The following MIPEP variants were observed in gnomAD, a reference collection of about 807,000 sequenced individuals.
MIPEP encodes mitochondrial intermediate peptidase.
A neutral mutation model predicts 90.3 loss-of-function variants in MIPEP; 79 were observed. The ratio of observed to expected loss-of-function variants is 0.87; its 90% CI spans 0.73 to 1.05. The LOEUF (loss-of-function observed/expected upper bound fraction) is 1.05, where lower values mean the gene tolerates loss of function less well. Among genes scored for constraint, MIPEP ranks in the 50% least tolerant of loss-of-function variants. The probability of loss-of-function intolerance (pLI) is 0.00; values close to 1 mark genes in which losing one functional copy is unlikely to be tolerated. For missense variants in MIPEP, 940 were observed against 905.6 expected (o/e 1.04, Z -0.49); for synonymous variants, 334 against 315.8 (o/e 1.06, Z -0.61).
intron 10 of MIPEP, among the ~76,000 whole-genome samples, chr13:23,852,218 C>T (rs374584778): frequency 2.0e-5 from 3 of 152,042 alleles, no homozygotes; most frequent in African/African-American, 2.4e-5. Context: ...AACAAGCTAA[C>T]GGGGAAAAAA....
chr13:23,861,669 G>A (rs1299354903), intron 9 of MIPEP, among the ~76,000 whole-genome samples: 1 of 152,192 alleles, frequency 6.6e-6, no homozygotes, highest in South Asian at 2.1e-4. Context: ...AGACAACCCC[G>A]GCAATCCTGT....
At chr13:23,822,327 A>G (rs925694858) in intron 14 of MIPEP, among the ~76,000 whole-genome samples, 18 of 152,228 alleles carry the variant, frequency 1.2e-4, no homozygotes, top group African/African-American at 4.3e-4. Flanking sequence ...ATATGACTAT[A>G]ACAAGACAAT....
At chr13:23,827,934 A>T (rs1218452840) in intron 14 of MIPEP, among the ~76,000 whole-genome samples, 1 of 152,228 alleles carries the variant, frequency 6.6e-6, no homozygotes, top group Non-Finnish European at 1.5e-5. Flanking sequence ...CTGTCTCAAA[A>T]AAATAAATAA....
chr13:23,834,979 T>C (rs1347278198), intron 14 of MIPEP, among the ~76,000 whole-genome samples: 2 of 152,134 alleles, frequency 1.3e-5, no homozygotes, highest in African/African-American at 2.4e-5. Context: ...ATATATTATG[T>C]TGAAGAGTCA....
intron 7 of MIPEP, among the ~76,000 whole-genome samples, chr13:23,868,819 C>T (rs1870654657): frequency 6.6e-6 from 1 of 152,134 alleles, no homozygotes; most frequent in African/African-American, 2.4e-5. Flanking sequence ...ACAAACCCAA[C>T]GACACACTTC....
chr13:23,886,197 T>C, intron 2 of MIPEP, 136 bp downstream of exon 2: 1 of 590,066 alleles, frequency 1.7e-6, no homozygotes, highest in Non-Finnish European at 2.5e-6. Flanking sequence ...TAAAAAATTA[T>C]ACCCAATGGA....
chr13:23,831,383 C>CCGGGGA lies in MIPEP; in HGVS notation c.1653+4856_1653+4857insTCCCCG, dbSNP rs58008469. Reference sequence around the variant, plus strand: ...CGGGGACAGCCTAGCTTCCCCATGGCGGGGGGGGGATGTGGATGGGAATTG... The same window carrying CCGGGGA: ...CGGGGACAGCCTAGCTTCCCCATGGCCGGGGAGGGGGGGGGATGTGGATGGGAATTG... On this transcript the variant is annotated intron_variant, in intron 14 of 18. Coordinates refer to ENST00000382172, the MANE Select transcript of MIPEP (RefSeq NM_005932.4). Among the ~76,000 whole-genome samples the CCGGGGA allele has an allele frequency of 3.4e-4, 14 of 40,922 alleles. 2 individuals are homozygous for CCGGGGA. The highest frequency in any genetic ancestry group is 1.4e-3 in the East Asian group (3 of 2,106). The allele number at this position is 40,922 out of a possible 152,430, so 26.8% of individuals were successfully genotyped here. A position where few individuals can be genotyped will look rare whatever the true frequency, so the allele number is the denominator to read the frequency against.
chr13:23,815,856 T>C (rs1240930791), intron 14 of MIPEP, among the ~76,000 whole-genome samples: 1 of 152,026 alleles, frequency 6.6e-6, no homozygotes, highest in East Asian at 1.9e-4. Context: ...CCACCTTAAG[T>C]AGAACTGGTT....
chr13:23,756,874 C>A (rs772953963), intron 17 of MIPEP: 13 of 467,934 alleles, frequency 2.8e-5, no homozygotes, highest in Non-Finnish European at 4.5e-5. Context: ...TAACAAGAGA[C>A]CTCACTTTAT....
intron 15 of MIPEP, 86 bp from the exon 16 acceptor site, chr13:23,806,155 G>C: frequency 2.2e-6 from 3 of 1,354,036 alleles, no homozygotes; most frequent in Non-Finnish European, 3.1e-6. Context: ...AAGTGCACCA[G>C]AACAACAGTT....
Position 23,851,003 on chromosome 13 carries a change from C to T in MIPEP, c.1106+7857G>A, listed in dbSNP as rs1374465644. Among the ~76,000 whole-genome samples the T allele has an allele frequency of 3.9e-5, 6 of 152,116 alleles. No individual in the cohort carries two copies. The South Asian group carries it at 8.3e-4, about 21-fold the overall frequency. The stretch of plus-strand genomic sequence containing the variant: ...TAGGCAGAGATTTTCTCCCCCAGAG[C>T]CTTGTGGAAAACGATGAAAGGAAAG... On this transcript the variant is annotated intron_variant, in intron 10 of 18. Transcript: ENST00000382172.
At chr13:23,768,858 T>C (rs1298321178) in intron 16 of MIPEP, among the ~76,000 whole-genome samples, 2 of 152,222 alleles carry the variant, frequency 1.3e-5, no homozygotes, top group African/African-American at 4.8e-5. Flanking sequence ...ATGTAATTTA[T>C]ATGTAATATT....
At chr13:23,854,068 G>C (rs909450277) in intron 10 of MIPEP, among the ~76,000 whole-genome samples, 1 of 150,488 alleles carries the variant, frequency 6.6e-6, no homozygotes, top group African/African-American at 2.4e-5. Context: ...GCTCACGCCT[G>C]TAATCCCAGC....
intron 16 of MIPEP, among the ~76,000 whole-genome samples, chr13:23,761,567 T>C (rs1952544177): frequency 6.6e-6 from 1 of 152,232 alleles, no homozygotes; most frequent in Non-Finnish European, 1.5e-5. Flanking sequence ...CTTCTTTTCC[T>C]ACGAATACTG....
At chr13:23,743,579 A>G (rs1422946643) in intron 18 of MIPEP, among the ~76,000 whole-genome samples, 2 of 152,238 alleles carry the variant, frequency 1.3e-5, no homozygotes, top group African/African-American at 4.8e-5. Flanking sequence ...CTGTCTCTCT[A>G]GAATTATTAA....
intron 16 of MIPEP, among the ~76,000 whole-genome samples, chr13:23,772,606 T>C (rs188147580): frequency 1.9e-3 from 295 of 152,320 alleles, no homozygotes; most frequent in African/African-American, 6.9e-3. Flanking sequence ...TCTCCTAAGT[T>C]TGAAGGTTTG....
intron 16 of MIPEP, among the ~76,000 whole-genome samples, chr13:23,783,877 A>C (rs1386726257): frequency 6.6e-6 from 1 of 152,194 alleles, no homozygotes; most frequent in African/African-American, 2.4e-5. Context: ...TAAAATACCT[A>C]GGAATCCAAC....
chr13:23,879,021 G>A (rs149279610), intron 4 of MIPEP, among the ~76,000 whole-genome samples: 3 of 152,302 alleles, frequency 2.0e-5, no homozygotes, highest in East Asian at 1.9e-4. Context: ...AACAGGATAC[G>A]TTGGAAGGAA....
chr13:23,755,422 A>T (rs1479895804), intron 18 of MIPEP, among the ~76,000 whole-genome samples: 1 of 152,268 alleles, frequency 6.6e-6, no homozygotes, highest in African/African-American at 2.4e-5. Flanking sequence ...GAGTACAGGC[A>T]TTAGATTCAA....
Sources: gnomAD v4.1 joint callset for allele counts (sites outside exome capture counted in the v4.1 genomes callset) on GRCh38, gnomAD v4.1.1 for gene constraint, MANE v1.5 for transcripts, NCBI Gene and HGNC (gene_info 2026-07-23, HGNC 2026-07-21) for gene names.